SERPINI1: variants seen among roughly 807,000 people sequenced by gnomAD.
The protein encoded by SERPINI1 is serpin family I member 1.
In SERPINI1, 19 loss-of-function variants were observed where a neutral mutation model predicts 41.1. The observed-to-expected ratio is 0.46, with a 90% confidence interval of 0.32 to 0.68. The LOEUF is 0.68. Among genes scored for constraint, SERPINI1 ranks in the 30% least tolerant of loss-of-function variants. The pLI, the probability that SERPINI1 is intolerant of heterozygous loss-of-function variation, is 0.03. For synonymous variants in SERPINI1, 138 were observed against 156.6 expected, an observed-to-expected ratio of 0.88 and a Z score of 0.89; for missense variants, 460 against 479.2, an observed-to-expected ratio of 0.96 and a Z score of 0.37.
Position 167,825,400 on chromosome 3 carries a change from G to A in SERPINI1, c.*77G>A. The stretch of plus-strand genomic sequence containing the variant: ...CAACTGGTATATATTTAGGATTTGT[G>A]TTTTACAGTATATCTTAAGATAATA... On this transcript the variant is annotated 3_prime_UTR_variant, in exon 9 of 9. Coordinates refer to ENST00000446050, the MANE Select transcript of SERPINI1 (RefSeq NM_001122752.2). The A allele has an allele frequency of 1.1e-6, 1 of 897,988 alleles. No homozygotes were observed. Among genetic ancestry groups the A allele is most frequent in the Non-Finnish European group, 1.9e-6 (1 of 528,308 alleles). 55.6% of individuals were successfully genotyped at this position (897,988 alleles called of 1,614,324 possible).
chr3:167,750,492 T>C (rs971652126), intron 1 of SERPINI1, among the ~76,000 whole-genome samples: 9 of 152,222 alleles, frequency 5.9e-5, no homozygotes, highest in African/African-American at 2.2e-4. Flanking sequence ...GTGTATCATG[T>C]GAAGGCTATT....
At chr3:167,766,386 A>T (rs1414484763) in intron 1 of SERPINI1, among the ~76,000 whole-genome samples, 1 of 152,158 alleles carries the variant, frequency 6.6e-6, no homozygotes, top group Non-Finnish European at 1.5e-5. Flanking sequence ...TTTTAAAACC[A>T]TCAGATCCCT....
chr3:167,790,639 A>G, intron 3 of SERPINI1, 37 bp downstream of exon 3: 3 of 1,435,484 alleles, frequency 2.1e-6, no homozygotes, highest in Non-Finnish European at 2.9e-6. Flanking sequence ...CTAGTAGCTT[A>G]GTTTTAACTG....
rs964734143 is a variant in SERPINI1 at position 167,798,220 on chromosome 3, G to A, written c.881+3396G>A. On this transcript the variant is annotated intron_variant, in intron 5 of 8. Transcript: ENST00000446050. ...AAAATTAAATTTTCATTTCCTAAGA[G>A]ATACTCTTCAATTATGAAATAGTTT... Among the ~76,000 whole-genome samples, 3 of 152,184 alleles carry A rather than the reference G, an allele frequency of 2.0e-5. No individual in the cohort carries two copies. In the South Asian group the frequency reaches 6.2e-4, roughly 32 times the overall value.
rs373426986 is a variant in SERPINI1 at position 167,790,463 on chromosome 3, G to A, written c.342G>A (p.Val114=). ...YVMKIANSLF[V]QNGFHVNEEF... is the part of the protein sequence containing the mutation. The stretch of plus-strand genomic sequence containing the variant: ...TGAAAATTGCCAATTCCTTGTTTGT[G>A]CAAAATGGATTTCATGTCAATGAGG... The change falls in exon 3 of 9, where the codon GTG becomes GTA. Residue 114 remains valine (V), a synonymous_variant. Coordinates refer to ENST00000446050, the MANE Select transcript of SERPINI1 (RefSeq NM_001122752.2). 3.1e-6 allele frequency: 5 copies of A among 1,614,030 alleles called. No individual in the cohort carries two copies. In the African/African-American group the frequency reaches 4.0e-5, roughly 13 times the overall value.
intron 1 of SERPINI1, among the ~76,000 whole-genome samples, chr3:167,747,536 C>G (rs1162491832): frequency 1.3e-5 from 2 of 152,064 alleles, no homozygotes; most frequent in African/African-American, 4.8e-5. Flanking sequence ...TCCAGCTACT[C>G]GAGAGGCTGA....
chr3:167,818,348 G>A (rs564213494), intron 6 of SERPINI1, among the ~76,000 whole-genome samples: 57 of 152,178 alleles, frequency 3.7e-4, no homozygotes, highest in Non-Finnish European at 6.5e-4. Flanking sequence ...TATTTTATTT[G>A]TGGAGAAAGG....
chr3:167,755,254 ACT>A (rs1726160282), intron 1 of SERPINI1, among the ~76,000 whole-genome samples: 1 of 152,074 alleles, frequency 6.6e-6, no homozygotes, highest in Non-Finnish European at 1.5e-5. Context: ...TAATTAAGAA[ACT>A]CTGAAAGAAA....
chr3:167,783,909 CT>C (rs1391817040), intron 1 of SERPINI1, among the ~76,000 whole-genome samples: 2 of 152,110 alleles, frequency 1.3e-5, no homozygotes, highest in Non-Finnish European at 2.9e-5. Context: ...AAAGAGTTCC[CT>C]GACAGGACCT....
At chr3:167,773,191 A>G (rs1726849655) in intron 1 of SERPINI1, among the ~76,000 whole-genome samples, 1 of 151,958 alleles carries the variant, frequency 6.6e-6, no homozygotes, top group East Asian at 1.9e-4. Flanking sequence ...ATTGCTCACA[A>G]TGTAAGATCC....
chr3:167,770,442 G>A (rs1015046804), intron 1 of SERPINI1, among the ~76,000 whole-genome samples: 13 of 151,948 alleles, frequency 8.6e-5, no homozygotes, highest in Admixed American at 3.9e-4. Context: ...ATTATATTTC[G>A]AACCACCCTA....
chr3:167,810,743 T>C (rs982996306), intron 6 of SERPINI1, among the ~76,000 whole-genome samples: 1 of 152,176 alleles, frequency 6.6e-6, no homozygotes, highest in Non-Finnish European at 1.5e-5. Flanking sequence ...GTACTCTTCT[T>C]TCCATGAACA....
chr3:167,766,192 A>G (rs925936686), intron 1 of SERPINI1, among the ~76,000 whole-genome samples: 3 of 150,902 alleles, frequency 2.0e-5, no homozygotes, highest in African/African-American at 7.3e-5. Flanking sequence ...CATGCTGCTG[A>G]TAAATACGTA....
At chr3:167,804,050 A>G (rs1468557972) in intron 5 of SERPINI1, among the ~76,000 whole-genome samples, 7 of 152,212 alleles carry the variant, frequency 4.6e-5, no homozygotes, top group Non-Finnish European at 1.0e-4. Flanking sequence ...CATTGAATGT[A>G]TTGTCTGAGA....
At chr3:167,777,842 G>A (rs1184915243) in intron 1 of SERPINI1, among the ~76,000 whole-genome samples, 3 of 152,212 alleles carry the variant, frequency 2.0e-5, no homozygotes, top group Admixed American at 6.5e-5. Context: ...AATGTTAAGA[G>A]GTAGGGCTTT....
At chr3:167,749,372 A>G (rs1033227065) in intron 1 of SERPINI1, among the ~76,000 whole-genome samples, 1 of 151,010 alleles carries the variant, frequency 6.6e-6, no homozygotes, top group African/African-American at 2.5e-5. Flanking sequence ...ATTAAAACAT[A>G]ATGTTCAGCT....
intron 5 of SERPINI1, among the ~76,000 whole-genome samples, chr3:167,806,752 G>A (rs1168793036): frequency 6.6e-6 from 1 of 152,006 alleles, no homozygotes; most frequent in Non-Finnish European, 1.5e-5. Context: ...ATTGATGTGG[G>A]TGGGAGTTGC....
intron 1 of SERPINI1, among the ~76,000 whole-genome samples, chr3:167,774,405 A>G (rs1318298059): frequency 5.9e-5 from 9 of 152,198 alleles, no homozygotes; most frequent in African/African-American, 2.2e-4. Flanking sequence ...ATAAAAGTGT[A>G]TCTGCATGGC....
rs1307269527 is a variant in SERPINI1 at position 167,772,823 on chromosome 3, A to ACTCACT, written c.-18-16285_-18-16284insACTCTC. 1.4e-3 allele frequency among the ~76,000 whole-genome samples: 32 copies of ACTCACT among 23,644 alleles called. 2 individuals are homozygous for ACTCACT. Among genetic ancestry groups the ACTCACT allele is most frequent in the African/African-American group, 4.2e-3 (29 of 6,832 alleles). The allele number at this position is 23,644 out of a possible 152,430, so 15.5% of individuals were successfully genotyped here. ...ATTCCAGCCTGGGCAGTATCTTGAG[A>ACTCACT]CTCTCTCTCTCTCTCTCTCTCTCTC... On this transcript the variant is annotated intron_variant, in intron 1 of 8. Transcript: ENST00000446050.
Sources: gnomAD v4.1 joint callset for allele counts (sites outside exome capture counted in the v4.1 genomes callset) on GRCh38, gnomAD v4.1.1 for gene constraint, MANE v1.5 for transcripts, NCBI Gene and HGNC (gene_info 2026-07-23, HGNC 2026-07-21) for gene names.